SLC39A10: variants seen among roughly 807,000 people sequenced by gnomAD.
SLC39A10 encodes the protein zinc transporter ZIP10.
In SLC39A10, 13 loss-of-function variants were observed where a neutral mutation model predicts 65.1. The ratio of observed to expected loss-of-function variants is 0.20; its 90% confidence interval spans 0.13 to 0.32. The LOEUF (loss-of-function observed/expected upper bound fraction) is 0.32. Ranked by LOEUF, SLC39A10 falls within the 10% of genes least tolerant of loss-of-function variation. The pLI is 1.00. For missense variants in SLC39A10, 831 were observed against 1,018.4 expected (o/e 0.82, Z 2.50); for synonymous variants, 321 against 342.2 (o/e 0.94, Z 0.68).
chr2:195,662,332 G>C (rs546756144), intron 1 of SLC39A10, among the ~76,000 whole-genome samples: 1 of 151,162 alleles, frequency 6.6e-6, no homozygotes, highest in East Asian at 1.9e-4. Flanking sequence ...GCAGTGGTGA[G>C]ATCAGGGCTC....
chr2:195,685,984 G>T (rs887704291), intron 3 of SLC39A10, among the ~76,000 whole-genome samples: 7 of 152,258 alleles, frequency 4.6e-5, no homozygotes, highest in African/African-American at 1.7e-4. Context: ...CTCAAAATTA[G>T]TTGGATTTTC....
chr2:195,695,099 C>T (rs145083440), intron 3 of SLC39A10, among the ~76,000 whole-genome samples: 2 of 152,322 alleles, frequency 1.3e-5, no homozygotes, highest in East Asian at 1.9e-4. Context: ...TCCTGAGGCT[C>T]CACCCCAGTG....
intron 2 of SLC39A10, among the ~76,000 whole-genome samples, chr2:195,615,518 C>G (rs1688187430): frequency 6.6e-6 from 1 of 152,268 alleles, no homozygotes; most frequent in South Asian, 2.1e-4. Context: ...TCACCCCATC[C>G]CACCTCCCTG....
At chr2:195,619,922 T>G (rs748187290) in intron 2 of SLC39A10, among the ~76,000 whole-genome samples, 20 of 151,966 alleles carry the variant, frequency 1.3e-4, no homozygotes, top group Middle Eastern at 3.2e-3. Context: ...TACTATTTAT[T>G]TATTTATTTA....
chr2:195,661,659 C>T (rs1377752551), intron 1 of SLC39A10, among the ~76,000 whole-genome samples: 1 of 152,156 alleles, frequency 6.6e-6, no homozygotes, highest in South Asian at 2.1e-4. Context: ...ATACTGTTTT[C>T]CTATCAGAAC....
At chr2:195,617,869 A>G (rs1455627067) in intron 2 of SLC39A10, among the ~76,000 whole-genome samples, 1 of 151,204 alleles carries the variant, frequency 6.6e-6, no homozygotes, top group Non-Finnish European at 1.5e-5. Context: ...CCTCCCGAGT[A>G]GCTGGGACCA....
At chr2:195,647,174 A>T (rs903195255) in intron 2 of SLC39A10, among the ~76,000 whole-genome samples, 5 of 152,196 alleles carry the variant, frequency 3.3e-5, no homozygotes, top group African/African-American at 1.2e-4. Flanking sequence ...ACCCTTTGCC[A>T]TGTAATCTAC....
At chr2:195,671,581 T>G (rs1689859120) in intron 1 of SLC39A10, 1 of 152,238 alleles carries the variant, frequency 6.6e-6, no homozygotes, top group Non-Finnish European at 1.5e-5. Flanking sequence ...CAAAGCTGTG[T>G]CCTATAAATG....
chr2:195,735,626 A>T lies in SLC39A10; in HGVS notation c.*585A>T, dbSNP rs1423978985. ...AGCCCTTATTCTTGAATCTAGAGTT[A>T]CTATTTTTGTATATATTTGCATAGT... On this transcript the variant is annotated 3_prime_UTR_variant, in exon 10 of 10. Transcript: ENST00000359634. 6.6e-6 allele frequency: 1 copy of T among 152,540 alleles called. No individual in the cohort carries two copies. The highest frequency in any genetic ancestry group is 1.5e-5 in the Non-Finnish European group (1 of 68,008). 9.4% of individuals were successfully genotyped at this position (152,540 alleles called of 1,614,324 possible).
In SLC39A10 at chr2:195,718,237, T is replaced by G; in HGVS notation, c.2066-15T>G. 6.2e-7 allele frequency: 1 copy of G among 1,600,280 alleles called. No homozygotes were observed. On this transcript the variant is annotated splice_polypyrimidine_tract_variant and intron_variant, in intron 7 of 9. Transcript: ENST00000359634. ...ATCAGCAAACCTCACTTGTTTTTTT[T>G]CTTATCTTCCTCAGGTGCAGCTTTC...
chr2:195,669,540 AAAAC>A (rs1162093699), intron 1 of SLC39A10, among the ~76,000 whole-genome samples: 7 of 152,376 alleles, frequency 4.6e-5, no homozygotes, highest in Non-Finnish European at 4.4e-5. Flanking sequence ...TATGAAATAA[AAAAC>A]AATCTAAGAC....
intron 2 of SLC39A10, among the ~76,000 whole-genome samples, chr2:195,681,302 A>G (rs6434794): frequency 1 from 152,222 of 152,236 alleles, 76,104 homozygotes; most frequent in Non-Finnish European, 1. Flanking sequence ...CGAGGCGGGT[A>G]GATCATGAGG....
In SLC39A10 at chr2:195,728,686, C is replaced by A. The variant is rs1441215259; in HGVS notation, c.2337+337C>A. ...TTAATTTTTTGAGTTTGTTTTATGG[C>A]AAACAGGAGAGAAATACTATTCCTG... On this transcript the variant is annotated intron_variant, in intron 9 of 9. Transcript: ENST00000359634. The surrounding 1 kb of genome is among the most constrained non-coding windows in gnomAD (Gnocchi z 4.4). Among the ~76,000 whole-genome samples the A allele has an allele frequency of 2.0e-5, 3 of 152,022 alleles. No homozygotes were observed. The highest frequency in any genetic ancestry group is 7.2e-5 in the African/African-American group (3 of 41,380).
chr2:195,700,046 CTT>C lies in SLC39A10; in HGVS notation c.1217-6567_1217-6566del, dbSNP rs1252726172. 4.6e-5 allele frequency among the ~76,000 whole-genome samples: 7 copies of C among 152,252 alleles called. No homozygotes were observed. The East Asian group carries it at 1.3e-3, about 29-fold the overall frequency. On this transcript the variant is annotated intron_variant, in intron 3 of 9. Transcript: ENST00000359634. The stretch of plus-strand genomic sequence containing the variant: ...ATATTAGTTTAACCACCCCTGCTCT[CTT>C]TTGGTTACTATTTTCATGGAATATC...
Position 195,735,149 on chromosome 2 carries a change from C to T in SLC39A10, c.*108C>T. On this transcript the variant is annotated 3_prime_UTR_variant, in exon 10 of 10. Transcript: ENST00000359634. ...AAAGGAAAGTCAGTGGCTTGCACTA[C>T]TTACAAGTTTCATAGATTTGAGCCT... The T allele has an allele frequency of 8.4e-7, 1 of 1,188,478 alleles. No homozygotes were observed. Among genetic ancestry groups the T allele is most frequent in the Non-Finnish European group, 1.2e-6 (1 of 865,696 alleles). 73.6% of individuals were successfully genotyped at this position (1,188,478 alleles called of 1,614,324 possible). A position where few individuals can be genotyped will look rare whatever the true frequency, so the allele number is the denominator to read the frequency against.
rs556496061 is a variant in SLC39A10 at position 195,736,545 on chromosome 2, T to G, written c.*1504T>G. ...CATCTAAAATGTTTTCATTTAGTAC[T>G]CTTCTTTCCTCCTACTCTATGAACT... On this transcript the variant is annotated 3_prime_UTR_variant, in exon 10 of 10. Coordinates refer to ENST00000359634, the MANE Select transcript of SLC39A10 (RefSeq NM_020342.3). The G allele has an allele frequency of 3.0e-4, 47 of 154,748 alleles. No homozygotes were observed. Among genetic ancestry groups the G allele is most frequent in the African/African-American group, 1.1e-3 (47 of 41,592 alleles). 9.6% of individuals were successfully genotyped at this position (154,748 alleles called of 1,614,324 possible).
At chr2:195,700,910 T>A (rs992321147) in intron 3 of SLC39A10, among the ~76,000 whole-genome samples, 1 of 152,112 alleles carries the variant, frequency 6.6e-6, no homozygotes, top group Non-Finnish European at 1.5e-5. Context: ...GTTCCTCTTA[T>A]TGGAGTTCAT....
In SLC39A10 at chr2:195,736,173, A is replaced by G. The variant is rs968717037; in HGVS notation, c.*1132A>G. 6.5e-6 allele frequency: 1 copy of G among 152,762 alleles called. No individual in the cohort carries two copies. Among genetic ancestry groups the G allele is most frequent in the African/African-American group, 2.4e-5 (1 of 41,452 alleles). The allele number at this position is 152,762 out of a possible 1,614,324, so 9.5% of individuals were successfully genotyped here. ...CCCAAGTGACTTGGAAGATGCATTT[A>G]AATTACTCAGCTGAAATCACTTGAT... On this transcript the variant is annotated 3_prime_UTR_variant, in exon 10 of 10. Coordinates refer to ENST00000359634, the MANE Select transcript of SLC39A10 (RefSeq NM_020342.3).
At chr2:195,633,256 A>G (rs1328802762) in intron 2 of SLC39A10, among the ~76,000 whole-genome samples, 4 of 152,192 alleles carry the variant, frequency 2.6e-5, no homozygotes, top group African/African-American at 9.7e-5. Context: ...ACTCCACTCC[A>G]CTCAACTCAA....
Sources: gnomAD v4.1 joint callset for allele counts (sites outside exome capture counted in the v4.1 genomes callset) on GRCh38, gnomAD v4.1.1 for gene constraint, Gnocchi (gnomAD v3.1) non-coding constraint, MANE v1.5 for transcripts, NCBI Gene and HGNC (gene_info 2026-07-23, HGNC 2026-07-21) for gene names.